KCNQ3: variants seen among roughly 807,000 people sequenced by gnomAD.
The protein encoded by KCNQ3 is potassium voltage-gated channel subfamily KQT member 3.
KCNQ3 carries 30 observed loss-of-function variants against 92.5 expected under a neutral mutation model. The observed-to-expected ratio is 0.32, with a 90% CI of 0.24 to 0.44. The LOEUF (loss-of-function observed/expected upper bound fraction) is 0.44, where lower values mean the gene tolerates loss of function less well. Ranked by LOEUF, KCNQ3 falls within the 20% of genes least tolerant of loss-of-function variation. The pLI, the probability that KCNQ3 is intolerant of heterozygous loss-of-function variation, is 1.00. For synonymous variants in KCNQ3, 450 were observed against 468.8 expected, an observed-to-expected ratio of 0.96 and a Z score of 0.52; for missense variants, 913 against 1,140.3, an observed-to-expected ratio of 0.80 and a Z score of 2.87.
chr8:132,160,407 CAG>C (rs1213338882), intron 9 of KCNQ3, among the ~76,000 whole-genome samples: 1 of 152,168 alleles, frequency 6.6e-6, no homozygotes, highest in Non-Finnish European at 1.5e-5. Context: ...ATAAGTAAAA[CAG>C]AGGTACAACT....
intron 1 of KCNQ3, among the ~76,000 whole-genome samples, chr8:132,461,098 T>C (rs972528182): frequency 6.6e-6 from 1 of 152,238 alleles, no homozygotes; most frequent in Non-Finnish European, 1.5e-5. Flanking sequence ...CCAAATACAA[T>C]AGTTTATTGT....
intron 1 of KCNQ3, among the ~76,000 whole-genome samples, chr8:132,327,732 C>G (rs1818100480): frequency 6.6e-6 from 1 of 152,156 alleles, no homozygotes; most frequent in Non-Finnish European, 1.5e-5. Context: ...ATCCCAGGCC[C>G]TGTATGAGCA....
At chr8:132,386,550 G>T (rs1303414759) in intron 1 of KCNQ3, among the ~76,000 whole-genome samples, 4 of 151,874 alleles carry the variant, frequency 2.6e-5, no homozygotes, top group African/African-American at 9.7e-5. Flanking sequence ...AAATCTTGAG[G>T]GATATCATAC....
intron 1 of KCNQ3, among the ~76,000 whole-genome samples, chr8:132,212,996 G>C (rs1813907916): frequency 6.6e-6 from 1 of 152,152 alleles, no homozygotes; most frequent in East Asian, 1.9e-4. Flanking sequence ...ATTCACTAGA[G>C]TTCAGGACAC....
intron 1 of KCNQ3, among the ~76,000 whole-genome samples, chr8:132,255,861 G>A (rs192774230): frequency 8.8e-4 from 134 of 152,164 alleles, no homozygotes; most frequent in African/African-American, 2.9e-3. Flanking sequence ...CATAAACAAC[G>A]AACCCTGGGG....
At chr8:132,236,947 G>A (rs1814836147) in intron 1 of KCNQ3, among the ~76,000 whole-genome samples, 1 of 152,180 alleles carries the variant, frequency 6.6e-6, no homozygotes, top group Admixed American at 6.5e-5. Flanking sequence ...AGAGACCTCA[G>A]TCCTACAACC....
At chr8:132,327,833 G>A (rs144725322) in intron 1 of KCNQ3, among the ~76,000 whole-genome samples, 135 of 152,294 alleles carry the variant, frequency 8.9e-4, no homozygotes, top group African/African-American at 3.1e-3. Flanking sequence ...GCAGGCATGT[G>A]CATGAAGCCC....
intron 1 of KCNQ3, among the ~76,000 whole-genome samples, chr8:132,367,253 A>AT (rs59088055): frequency 8.6e-5 from 13 of 151,692 alleles, no homozygotes; most frequent in East Asian, 3.9e-4. Context: ...CCACATCAGT[A>AT]TTTTTTTTTC....
chr8:132,428,104 C>T (rs1356526178), intron 1 of KCNQ3, among the ~76,000 whole-genome samples: 4 of 152,134 alleles, frequency 2.6e-5, no homozygotes, highest in South Asian at 2.1e-4. Flanking sequence ...GCAACTCTGT[C>T]TCTCTCGACT....
intron 3 of KCNQ3, among the ~76,000 whole-genome samples, chr8:132,183,713 C>T (rs924602449): frequency 1.3e-5 from 2 of 152,226 alleles, no homozygotes; most frequent in African/African-American, 4.8e-5. Flanking sequence ...AAGACCACAC[C>T]TGGGTGTTAG....
At chr8:132,468,216 A>G (rs1313643195) in intron 1 of KCNQ3, among the ~76,000 whole-genome samples, 1 of 152,212 alleles carries the variant, frequency 6.6e-6, no homozygotes, top group Non-Finnish European at 1.5e-5. Context: ...GACAGCTGAT[A>G]TGGAGTGAGA....
chr8:132,323,139 C>T (rs767021548), intron 1 of KCNQ3, among the ~76,000 whole-genome samples: 3 of 152,202 alleles, frequency 2.0e-5, no homozygotes, highest in Non-Finnish European at 2.9e-5. Context: ...ATGCCAAGCA[C>T]TGAGGCCCGC....
chr8:132,383,202 T>C (rs539430862), intron 1 of KCNQ3, among the ~76,000 whole-genome samples: 2 of 152,174 alleles, frequency 1.3e-5, no homozygotes, highest in East Asian at 1.9e-4. Context: ...CCAATGAAGA[T>C]CCAAGATAAG....
At chr8:132,192,917 G>C (rs1205555898) in intron 1 of KCNQ3, among the ~76,000 whole-genome samples, 1 of 152,192 alleles carries the variant, frequency 6.6e-6, no homozygotes, top group Non-Finnish European at 1.5e-5. Flanking sequence ...AAAGTGCTGG[G>C]ATTACAGGTG....
intron 1 of KCNQ3, among the ~76,000 whole-genome samples, chr8:132,432,134 A>T (rs1308427357): frequency 6.6e-6 from 1 of 152,184 alleles, no homozygotes; most frequent in East Asian, 1.9e-4. Context: ...TTGACTCAAA[A>T]CAGAAATTCA....
intron 1 of KCNQ3, among the ~76,000 whole-genome samples, chr8:132,469,257 C>A (rs1173998143): frequency 3.3e-5 from 5 of 152,214 alleles, no homozygotes; most frequent in Non-Finnish European, 7.3e-5. Context: ...TGTGGCAAAT[C>A]TGTGCATGGG....
chr8:132,396,963 T>C (rs1820209645), intron 1 of KCNQ3, among the ~76,000 whole-genome samples: 2 of 151,756 alleles, frequency 1.3e-5, no homozygotes, highest in African/African-American at 4.8e-5. Flanking sequence ...TGTGTGTGTG[T>C]GTATGTGTGT....
intron 1 of KCNQ3, among the ~76,000 whole-genome samples, chr8:132,200,190 T>C (rs1827416165): frequency 6.6e-6 from 1 of 152,352 alleles, no homozygotes; most frequent in Admixed American, 6.5e-5. Context: ...ATCATATCCC[T>C]ATCCATCTAT....
chr8:132,248,971 C>T (rs13278301), intron 1 of KCNQ3, among the ~76,000 whole-genome samples: 66,538 of 151,930 alleles, frequency 0.44, 16,913 homozygotes, highest in East Asian at 0.69. Context: ...TCGCGGTGAG[C>T]GTTACAGTTC....
Sources: allele counts gnomAD v4.1 joint callset (sites outside exome capture counted in the v4.1 genomes callset), GRCh38; gene constraint gnomAD v4.1.1; transcripts MANE v1.5; gene names NCBI Gene and HGNC (gene_info 2026-07-23, HGNC 2026-07-21).